The following MALT1 variants were observed in gnomAD, a reference collection of about 807,000 sequenced individuals.
MALT1 encodes the protein mucosa-associated lymphoid tissue lymphoma translocation protein 1.
Under a neutral mutation model 85.5 loss-of-function variants are expected in MALT1, and 36 were observed. That is an observed-to-expected ratio of 0.42 (90% CI 0.32 to 0.56). The LOEUF is 0.56. Among genes scored for constraint, MALT1 ranks in the 20% least tolerant of loss-of-function variants. The pLI is 0.10. For synonymous variants in MALT1, 359 were observed against 361.3 expected (o/e 0.99, Z 0.07); for missense variants, 716 against 981.6 (o/e 0.73, Z 3.62).
chr18:58,673,237 T>TA (rs2144290462), intron 1 of MALT1, among the ~76,000 whole-genome samples: 2 of 152,320 alleles, frequency 1.3e-5, no homozygotes, highest in Non-Finnish European at 2.9e-5. Flanking sequence ...TTTTAGAAGA[T>TA]AAAAAACTAA....
intron 4 of MALT1, among the ~76,000 whole-genome samples, chr18:58,700,882 C>T (rs1253057872): frequency 6.6e-6 from 1 of 152,032 alleles, no homozygotes; most frequent in Non-Finnish European, 1.5e-5. Flanking sequence ...ACTTCCGCCT[C>T]CCAGGTTCAA....
Position 58,749,094 on chromosome 18 carries a change from G to A in MALT1, c.*1252G>A. 1 of 217,664 alleles carries A rather than the reference G, an allele frequency of 4.6e-6. No homozygotes were observed. The highest frequency in any genetic ancestry group is 9.2e-6 in the Non-Finnish European group (1 of 108,240). The allele number at this position is 217,664 out of a possible 1,614,324, so 13.5% of individuals were successfully genotyped here. ...AGTGGAATTTATCCCAGGAATTCAAGGTTGGTTCAACATCTAAAAATCAAA... is the reference window on the plus strand; with the variant it reads ...AGTGGAATTTATCCCAGGAATTCAAAGTTGGTTCAACATCTAAAAATCAAA... On this transcript the variant is annotated 3_prime_UTR_variant, in exon 17 of 17. Transcript: ENST00000649217.
chr18:58,742,231 GTAAAATTT>G (rs1409935079), intron 14 of MALT1, among the ~76,000 whole-genome samples: 1 of 151,954 alleles, frequency 6.6e-6, no homozygotes, highest in Non-Finnish European at 1.5e-5. Context: ...GTCACTATTG[GTAAAATTT>G]AAATGACCAT....
chr18:58,696,569 G>A, intron 3 of MALT1, 82 bp downstream of exon 3: 1 of 1,157,308 alleles, frequency 8.6e-7, no homozygotes, highest in Non-Finnish European at 1.2e-6. Context: ...CCTAAATGTA[G>A]TTTTAACAGT....
At chr18:58,712,825 G>C (rs1326421138) in intron 7 of MALT1, among the ~76,000 whole-genome samples, 1 of 152,138 alleles carries the variant, frequency 6.6e-6, no homozygotes, top group Non-Finnish European at 1.5e-5. Context: ...ATGAAAAAAA[G>C]ATACTTGATC....
At chr18:58,702,576 T>C (rs73449398) in intron 4 of MALT1, among the ~76,000 whole-genome samples, 4,087 of 152,310 alleles carry the variant, frequency 0.027, 156 homozygotes, top group African/African-American at 0.092. Context: ...CAGTTTGTTA[T>C]GAATTTGAAT....
chr18:58,736,442 T>TAAAA (rs34656371), intron 13 of MALT1, among the ~76,000 whole-genome samples: 3 of 145,438 alleles, frequency 2.1e-5, no homozygotes, highest in African/African-American at 2.5e-5. Flanking sequence ...TCTGCTGCTT[T>TAAAA]AAAAAAAAAA....
At position 58,696,463 on chromosome 18, in the gene MALT1, T is replaced by G; in HGVS notation, c.474T>G (p.Tyr158Ter). Residue 158 changes from tyrosine (Y) to a stop codon, truncating the protein, a stop_gained, in exon 3 of 17, where the codon TAT becomes TAG. Coordinates refer to ENST00000649217, the MANE Select transcript of MALT1 (RefSeq NM_006785.4). LOFTEE classifies it high-confidence loss of function. ...CAACTGGACATCCTTTTGTTCAATATCAGTGGTTCAAAATGAATAAAGAGG... is the reference window on the plus strand; with the variant it reads ...CAACTGGACATCCTTTTGTTCAATAGCAGTGGTTCAAAATGAATAAAGAGG... ...CRATGHPFVQ[Y>*]QWFKMNKEIP... The G allele has an allele frequency of 1.3e-6, 2 of 1,591,888 alleles. No individual in the cohort carries two copies. The highest frequency in any genetic ancestry group is 1.7e-6 in the Non-Finnish European group (2 of 1,170,018).
At position 58,752,977 on chromosome 18, in the gene MALT1, G is replaced by C. The variant is rs1362369323; in HGVS notation, c.*5135G>C. The C allele has an allele frequency of 1.3e-5, 2 of 151,920 alleles. No individual in the cohort carries two copies. Among genetic ancestry groups the C allele is most frequent in the African/African-American group, 2.4e-5 (1 of 41,202 alleles). 9.4% of individuals were successfully genotyped at this position (151,920 alleles called of 1,614,324 possible). A position where few individuals can be genotyped will look rare whatever the true frequency, so the allele number is the denominator to read the frequency against. The stretch of plus-strand genomic sequence containing the variant: ...GCCCTTACTAATAGCGTGGCTCAAA[G>C]AGCGTTAACTTGCCTGTGCTTCTGT... On this transcript the variant is annotated 3_prime_UTR_variant, in exon 17 of 17. Transcript: ENST00000649217.
chr18:58,732,337 T>TA (rs1366113896), intron 10 of MALT1, among the ~76,000 whole-genome samples: 1 of 151,776 alleles, frequency 6.6e-6, no homozygotes, highest in Non-Finnish European at 1.5e-5. Context: ...AAGAAAACAT[T>TA]GAGTTGTTTG....
chr18:58,686,315 C>A (rs1473275907), intron 2 of MALT1, among the ~76,000 whole-genome samples: 1 of 152,218 alleles, frequency 6.6e-6, no homozygotes, highest in Non-Finnish European at 1.5e-5. Context: ...GCATGAGCCA[C>A]CACACACAGC....
chr18:58,752,398 C>A lies in MALT1; in HGVS notation c.*4556C>A. On this transcript the variant is annotated 3_prime_UTR_variant, in exon 17 of 17. Coordinates refer to ENST00000649217, the MANE Select transcript of MALT1 (RefSeq NM_006785.4). ...ATATACTGTCATTACTTTTATCTGT[C>A]AACTGATGTCAGCTACTCAATTTAC... is the stretch of plus-strand genomic sequence containing the variant. 1 of 152,164 alleles carries A rather than the reference C, an allele frequency of 6.6e-6. No individual in the cohort carries two copies. Among genetic ancestry groups the A allele is most frequent in the East Asian group, 1.9e-4 (1 of 5,200 alleles). 9.4% of individuals were successfully genotyped at this position (152,164 alleles called of 1,614,324 possible). A position where few individuals can be genotyped will look rare whatever the true frequency, so the allele number is the denominator to read the frequency against.
At chr18:58,732,970 GC>G (rs1444655189) in intron 10 of MALT1, among the ~76,000 whole-genome samples, 1 of 151,788 alleles carries the variant, frequency 6.6e-6, no homozygotes, top group Non-Finnish European at 1.5e-5. Flanking sequence ...GAGTACAGTG[GC>G]ATGATCTCAG....
rs556687149 is a variant in MALT1 at position 58,749,590 on chromosome 18, G to A, written c.*1748G>A. ...CACCCATTTACACATATCCACAAAT[G>A]ACTGCAAAAGTGCCACGGATATCAA... On this transcript the variant is annotated 3_prime_UTR_variant, in exon 17 of 17. Coordinates refer to ENST00000649217, the MANE Select transcript of MALT1 (RefSeq NM_006785.4). 1 of 219,382 alleles carries A rather than the reference G, an allele frequency of 4.6e-6. No homozygotes were observed. The highest frequency in any genetic ancestry group is 2.2e-5 in the African/African-American group (1 of 44,684). 13.6% of individuals were successfully genotyped at this position (219,382 alleles called of 1,614,324 possible).
intron 2 of MALT1, among the ~76,000 whole-genome samples, chr18:58,682,332 T>C (rs1465467097): frequency 6.6e-6 from 1 of 152,170 alleles, no homozygotes; most frequent in Non-Finnish European, 1.5e-5. Flanking sequence ...CCAACCCAAA[T>C]AGGCATAATA....
In MALT1 at chr18:58,672,626, TATTA is replaced by T. The variant is rs1040793431; in HGVS notation, c.209+778_209+781del. ...AATTAAAGCTAAGACATTTAAAAAA[TATTA>T]ATTTATTTAAAAAGAATAACCCATT... On this transcript the variant is annotated intron_variant, in intron 1 of 16. Coordinates refer to ENST00000649217, the MANE Select transcript of MALT1 (RefSeq NM_006785.4). 3.3e-5 allele frequency: 5 copies of T among 152,178 alleles called. No individual in the cohort carries two copies. The South Asian group carries it at 6.2e-4, about 19-fold the overall frequency. 9.4% of individuals were successfully genotyped at this position (152,178 alleles called of 1,614,324 possible).
At chr18:58,723,616 G>T (rs1223624179) in intron 10 of MALT1, among the ~76,000 whole-genome samples, 2 of 151,444 alleles carry the variant, frequency 1.3e-5, no homozygotes, top group African/African-American at 2.4e-5. Flanking sequence ...CTTTGAGGGG[G>T]GTAGCATAAA....
At chr18:58,727,730 G>A (rs770644228) in intron 10 of MALT1, among the ~76,000 whole-genome samples, 2 of 150,626 alleles carry the variant, frequency 1.3e-5, no homozygotes, top group African/African-American at 4.9e-5. Flanking sequence ...TCTGAGAGTC[G>A]AGTTACCTAA....
intron 13 of MALT1, among the ~76,000 whole-genome samples, chr18:58,740,990 GCTT>G (rs1168169223): frequency 1.2e-4 from 18 of 151,810 alleles, no homozygotes; most frequent in African/African-American, 4.1e-4. Flanking sequence ...CATTTCAAAT[GCTT>G]CTTCTCTTTT....
Sources: gnomAD v4.1 joint callset for allele counts (sites outside exome capture counted in the v4.1 genomes callset) on GRCh38, gnomAD v4.1.1 for gene constraint, MANE v1.5 for transcripts, NCBI Gene and HGNC (gene_info 2026-07-23, HGNC 2026-07-21) for gene names.